The following AK7 variants were observed in gnomAD, a reference collection of about 807,000 sequenced individuals.
The protein encoded by AK7 is adenylate kinase 7.
A neutral mutation model predicts 96.6 loss-of-function variants in AK7; 78 were observed. That is an observed-to-expected ratio of 0.81 (90% CI 0.67 to 0.97). The LOEUF (loss-of-function observed/expected upper bound fraction) is 0.97, where lower values mean the gene tolerates loss of function less well. Ranked by LOEUF, AK7 falls within the 50% of genes least tolerant of loss-of-function variation. The pLI, the probability that AK7 is intolerant of heterozygous loss-of-function variation, is 0.00. For synonymous variants in AK7, 302 were observed against 317.2 expected (o/e 0.95, Z 0.51); for missense variants, 855 against 887.9 (o/e 0.96, Z 0.47).
intron 12 of AK7, among the ~76,000 whole-genome samples, chr14:96,462,206 C>T (rs1894292602): frequency 6.6e-6 from 1 of 151,936 alleles, no homozygotes; most frequent in South Asian, 2.1e-4. Flanking sequence ...GAAGATACAT[C>T]TTTAGAACAG....
intron 6 of AK7, among the ~76,000 whole-genome samples, chr14:96,440,855 A>C (rs1348217845): frequency 6.6e-6 from 1 of 152,174 alleles, no homozygotes; most frequent in African/African-American, 2.4e-5. Context: ...AAGAGGAAGA[A>C]ATTTTTTAAA....
intron 7 of AK7, among the ~76,000 whole-genome samples, 175 bp from the exon 8 acceptor site, chr14:96,446,342 C>T (rs772136865): frequency 3.0e-4 from 45 of 152,198 alleles, no homozygotes; most frequent in Non-Finnish European, 4.8e-4. Context: ...TTAGCATCTT[C>T]CTCATGTGGA....
intron 3 of AK7, among the ~76,000 whole-genome samples, chr14:96,406,107 G>A (rs1413789661): frequency 6.6e-6 from 1 of 151,602 alleles, no homozygotes; most frequent in Non-Finnish European, 1.5e-5. Flanking sequence ...AGGCTGGAGT[G>A]CAGTGGCACT....
At position 96,399,800 on chromosome 14, in the gene AK7, T is replaced by C. The variant is rs951206902; in HGVS notation, c.294+1537T>C. ...CTTTCTCTGGCTCCTTTTCCTCTTTTACCCTTTAAATGCGGTTTTCCCCAG... is the reference window on the plus strand; with the variant it reads ...CTTTCTCTGGCTCCTTTTCCTCTTTCACCCTTTAAATGCGGTTTTCCCCAG... On this transcript the variant is annotated intron_variant, in intron 2 of 17. Transcript: ENST00000267584. This position sits in a 1 kb window ranked among gnomAD's most constrained non-coding sequence, Gnocchi z 4.1. Among the ~76,000 whole-genome samples, 1 of 152,156 alleles carries C rather than the reference T, an allele frequency of 6.6e-6. No homozygotes were observed. The highest frequency in any genetic ancestry group is 2.4e-5 in the African/African-American group (1 of 41,432).
In AK7 at chr14:96,404,748, C is replaced by G; in HGVS notation, c.295-9C>G. On this transcript the variant is annotated splice_polypyrimidine_tract_variant and intron_variant, in intron 2 of 17. Coordinates refer to ENST00000267584, the MANE Select transcript of AK7 (RefSeq NM_152327.5). ...CTTGCTGCAAATGGCTGTCAATTTT[C>G]TTTTTCAGGCCATCTCTCGAGAAGA... 1.3e-6 allele frequency: 2 copies of G among 1,583,256 alleles called. No individual in the cohort carries two copies.
intron 17 of AK7, chr14:96,487,914 A>G (rs1895862400): frequency 6.7e-6 from 2 of 298,742 alleles, no homozygotes; most frequent in African/African-American, 2.3e-5. Context: ...TTATTTATTT[A>G]TTTATTATTT....
intron 5 of AK7, among the ~76,000 whole-genome samples, chr14:96,424,832 T>G (rs1891929464): frequency 6.6e-6 from 1 of 152,216 alleles, no homozygotes; most frequent in South Asian, 2.1e-4. Flanking sequence ...ACTATGTTAT[T>G]TTATTGGAAC....
chr14:96,455,814 G>A (rs1481750104), intron 10 of AK7, among the ~76,000 whole-genome samples: 2 of 152,190 alleles, frequency 1.3e-5, no homozygotes, highest in African/African-American at 4.8e-5. Flanking sequence ...TGAACTGTCT[G>A]ACCAGGCGGC....
intron 12 of AK7, among the ~76,000 whole-genome samples, chr14:96,471,146 A>AGT (rs1894859695): frequency 6.6e-6 from 1 of 152,090 alleles, no homozygotes. Flanking sequence ...AGCCTGGGCA[A>AGT]CATTGCAAGA....
intron 4 of AK7, among the ~76,000 whole-genome samples, chr14:96,417,570 C>T (rs1891415226): frequency 6.6e-6 from 1 of 152,224 alleles, no homozygotes; most frequent in African/African-American, 2.4e-5. Flanking sequence ...CTCCTCCCAG[C>T]AGTCAACTCA....
intron 10 of AK7, 57 bp from the exon 11 acceptor site, chr14:96,456,290 G>A (rs1595438000): frequency 8.1e-7 from 1 of 1,232,186 alleles, no homozygotes; most frequent in African/African-American, 1.6e-5. Flanking sequence ...AAACCACTCT[G>A]TCTAGCTACA....
At chr14:96,467,611 A>G (rs1175867422) in intron 12 of AK7, among the ~76,000 whole-genome samples, 1 of 152,154 alleles carries the variant, frequency 6.6e-6, no homozygotes, top group East Asian at 1.9e-4. Flanking sequence ...AAGTGCTAGG[A>G]TCATAGGCGT....
chr14:96,414,374 T>C (rs1166818067), intron 4 of AK7, among the ~76,000 whole-genome samples: 2 of 152,208 alleles, frequency 1.3e-5, no homozygotes, highest in Non-Finnish European at 2.9e-5. Context: ...GAATATGTAG[T>C]CTAACTGCAT....
At chr14:96,456,789 C>T (rs529890204) in intron 11 of AK7, 99 of 243,308 alleles carry the variant, frequency 4.1e-4, no homozygotes, top group Admixed American at 1.7e-3. Context: ...TTCTTCGTGG[C>T]CAACTCAGGG....
At chr14:96,394,511 G>C (rs1434553702) in intron 1 of AK7, among the ~76,000 whole-genome samples, 5 of 152,210 alleles carry the variant, frequency 3.3e-5, no homozygotes, top group African/African-American at 9.6e-5. Context: ...TCCTAAGCCG[G>C]GATGCACTCA....
At chr14:96,456,595 T>C (rs912054464) in intron 11 of AK7, 120 bp downstream of exon 11, 5 of 1,211,826 alleles carry the variant, frequency 4.1e-6, no homozygotes, top group Non-Finnish European at 5.8e-6. Context: ...CCCAATTTTG[T>C]TGGCAACATC....
intron 6 of AK7, among the ~76,000 whole-genome samples, chr14:96,441,916 C>G (rs1465738809): frequency 6.6e-6 from 1 of 152,078 alleles, no homozygotes; most frequent in Non-Finnish European, 1.5e-5. Flanking sequence ...CCTCTGTCCC[C>G]ACTGGACTCT....
At chr14:96,405,562 A>G (rs564564581) in intron 3 of AK7, among the ~76,000 whole-genome samples, 3 of 152,340 alleles carry the variant, frequency 2.0e-5, no homozygotes, top group Non-Finnish European at 4.4e-5. Context: ...TGTACAGGGC[A>G]GATACAAAGA....
At chr14:96,426,096 T>G (rs375615649) in intron 5 of AK7, among the ~76,000 whole-genome samples, 3 of 152,216 alleles carry the variant, frequency 2.0e-5, no homozygotes, top group Non-Finnish European at 4.4e-5. Context: ...TCCTTCTTTC[T>G]TTCCTTCCTA....
Sources: gnomAD v4.1 joint callset for allele counts (sites outside exome capture counted in the v4.1 genomes callset) on GRCh38, gnomAD v4.1.1 for gene constraint, Gnocchi (gnomAD v3.1) non-coding constraint, MANE v1.5 for transcripts, NCBI Gene and HGNC (gene_info 2026-07-23, HGNC 2026-07-21) for gene names.